ARL5B: variants seen among roughly 807,000 people sequenced by gnomAD.
The protein encoded by ARL5B is ADP-ribosylation factor-like protein 5B.
In ARL5B, 10 loss-of-function variants were observed where a neutral mutation model predicts 26.9. That is an observed-to-expected ratio of 0.37 (90% CI 0.23 to 0.63). The LOEUF (loss-of-function observed/expected upper bound fraction) is 0.63, where lower values mean the gene tolerates loss of function less well. Ranked by LOEUF, ARL5B falls within the 30% of genes least tolerant of loss-of-function variation. The probability of loss-of-function intolerance (pLI) is 0.62; values close to 1 mark genes in which losing one functional copy is unlikely to be tolerated. For missense variants in ARL5B, 167 were observed against 213.9 expected (o/e 0.78, Z 1.37); for synonymous variants, 87 against 70.4 (o/e 1.24, Z -1.18).
rs763416677 is a variant in ARL5B, at chr10:18,674,148, G to A, written c.491+13G>A. 2.6e-5 allele frequency: 42 copies of A among 1,593,148 alleles called. No individual in the cohort carries two copies. Among genetic ancestry groups the A allele is most frequent in the Admixed American group, 2.2e-4 (12 of 55,218 alleles). On this transcript the variant is annotated intron_variant, in intron 5 of 5. Transcript: ENST00000377275. ...TCACAGGAGAAGGGTAAGTTCATCC[G>A]TCTGAGGGGAGGTATGACTTCTTTC... is the stretch of plus-strand genomic sequence containing the variant.
rs2059908188 is a variant in ARL5B, at chr10:18,675,812, G to A, written c.*596G>A. The A allele has an allele frequency of 6.6e-6, 1 of 151,990 alleles. No individual in the cohort carries two copies. Among genetic ancestry groups the A allele is most frequent in the African/African-American group, 2.4e-5 (1 of 41,418 alleles). The allele number at this position is 151,990 out of a possible 1,614,324, so 9.4% of individuals were successfully genotyped here. On this transcript the variant is annotated 3_prime_UTR_variant, in exon 6 of 6. Transcript: ENST00000377275. ...CATTACTGTTGAGTCATGGAATAAT[G>A]TTTAAGTTGTTATTTGCATGGAAAT...
At chr10:18,663,716 T>C (rs1399768230) in intron 1 of ARL5B, among the ~76,000 whole-genome samples, 1 of 145,230 alleles carries the variant, frequency 6.9e-6, no homozygotes, top group Non-Finnish European at 1.5e-5. Context: ...GCCCGGCTGA[T>C]TTTCTGTATT....
intron 2 of ARL5B, 68 bp from the exon 3 acceptor site, chr10:18,668,462 A>T: frequency 6.5e-7 from 1 of 1,541,970 alleles, no homozygotes; most frequent in East Asian, 2.3e-5. Context: ...TCTTAAAAAT[A>T]CAGAGATAAA....
At chr10:18,673,551 A>G (rs540606037) in intron 4 of ARL5B, among the ~76,000 whole-genome samples, 1 of 152,260 alleles carries the variant, frequency 6.6e-6, no homozygotes, top group African/African-American at 2.4e-5. Flanking sequence ...CTATTCTTCT[A>G]ATGTTTTCAT....
chr10:18,659,774 G>A, intron 1 of ARL5B, 91 bp downstream of exon 1: 2 of 1,562,114 alleles, frequency 1.3e-6, no homozygotes, highest in Non-Finnish European at 1.7e-6. Flanking sequence ...CAGAGCGTTC[G>A]GAGACGCGGA....
intron 1 of ARL5B, among the ~76,000 whole-genome samples, chr10:18,666,260 A>G (rs561008812): frequency 6.6e-6 from 1 of 152,282 alleles, no homozygotes; most frequent in African/African-American, 2.4e-5. Flanking sequence ...TTAGGTTATA[A>G]TTTTTGCCTA....
At position 18,675,409 on chromosome 10, in the gene ARL5B, C is replaced by T; in HGVS notation, c.*193C>T. 2 of 555,832 alleles carry T rather than the reference C, an allele frequency of 3.6e-6. No individual in the cohort carries two copies. The highest frequency in any genetic ancestry group is 6.5e-6 in the Non-Finnish European group (2 of 310,022). 34.4% of individuals were successfully genotyped at this position (555,832 alleles called of 1,614,324 possible). On this transcript the variant is annotated 3_prime_UTR_variant, in exon 6 of 6. Coordinates refer to ENST00000377275, the MANE Select transcript of ARL5B (RefSeq NM_178815.5). ...AACTTTTTTTTTTTAACACACTAAT[C>T]TTCAGTTGGATGAATGTAATGTATA... is the stretch of plus-strand genomic sequence containing the variant.
At chr10:18,671,569 C>A (rs1171051938) in intron 3 of ARL5B, among the ~76,000 whole-genome samples, 2 of 152,130 alleles carry the variant, frequency 1.3e-5, no homozygotes, top group Non-Finnish European at 2.9e-5. Flanking sequence ...CATTTCATCT[C>A]ATTTCTTAAC....
At chr10:18,672,830 C>T in intron 4 of ARL5B, 125 bp downstream of exon 4, 1 of 506,244 alleles carries the variant, frequency 2.0e-6, no homozygotes, top group Non-Finnish European at 3.4e-6. Context: ...ACTTTATGTA[C>T]TAAACTGATG....
rs2059919583 is a variant in ARL5B at position 18,678,523 on chromosome 10, A to G, written c.*3307A>G. 6.6e-6 allele frequency: 1 copy of G among 151,918 alleles called. No individual in the cohort carries two copies. The highest frequency in any genetic ancestry group is 2.1e-4 in the South Asian group (1 of 4,830). 9.4% of individuals were successfully genotyped at this position (151,918 alleles called of 1,614,324 possible). On this transcript the variant is annotated 3_prime_UTR_variant, in exon 6 of 6. Transcript: ENST00000377275. ...AAATCTTTTTAGTGTAGTTTCTTAG[A>G]ACAAATTATAAACATAATCATTCTG...
chr10:18,680,599 T>C lies in ARL5B; in HGVS notation c.*5383T>C, dbSNP rs890729257. 29 of 152,262 alleles carry C rather than the reference T, an allele frequency of 1.9e-4. No individual in the cohort carries two copies. Among genetic ancestry groups the C allele is most frequent in the African/African-American group, 7.0e-4 (29 of 41,574 alleles). 9.4% of individuals were successfully genotyped at this position (152,262 alleles called of 1,614,324 possible). A position where few individuals can be genotyped will look rare whatever the true frequency, so the allele number is the denominator to read the frequency against. On this transcript the variant is annotated 3_prime_UTR_variant, in exon 6 of 6. Coordinates refer to ENST00000377275, the MANE Select transcript of ARL5B (RefSeq NM_178815.5). Reference sequence around the variant, plus strand: ...ATTTTCCCTCAGGAAATTTAGGGACTCTGAAGCCCCTATTTTATTCTCTTG... The same window carrying C: ...ATTTTCCCTCAGGAAATTTAGGGACCCTGAAGCCCCTATTTTATTCTCTTG...
At chr10:18,672,901 T>C (rs2059894121) in intron 4 of ARL5B, among the ~76,000 whole-genome samples, 196 bp downstream of exon 4, 1 of 152,160 alleles carries the variant, frequency 6.6e-6, no homozygotes, top group Admixed American at 6.5e-5. Flanking sequence ...CCCTAACACA[T>C]TAATTTGTAG....
rs781576345 is a variant in ARL5B at position 18,675,262 on chromosome 10, C to T, written c.*46C>T. The T allele has an allele frequency of 1.9e-6, 3 of 1,576,072 alleles. No homozygotes were observed. The East Asian group carries it at 6.7e-5, about 35-fold the overall frequency. ...TGCTCTATTTATTCTGTGACATGAACATTTTTTCCTAGTACCTTTGGCTGC... is the reference window on the plus strand; with the variant it reads ...TGCTCTATTTATTCTGTGACATGAATATTTTTTCCTAGTACCTTTGGCTGC... On this transcript the variant is annotated 3_prime_UTR_variant, in exon 6 of 6. Transcript: ENST00000377275.
intron 1 of ARL5B, among the ~76,000 whole-genome samples, chr10:18,665,243 G>T (rs2059856185): frequency 6.6e-6 from 1 of 152,170 alleles, no homozygotes; most frequent in Non-Finnish European, 1.5e-5. Flanking sequence ...AGGAGGTTCA[G>T]GTAGGAGGAT....
chr10:18,673,465 C>T (rs759879462), intron 4 of ARL5B, among the ~76,000 whole-genome samples: 1 of 152,126 alleles, frequency 6.6e-6, no homozygotes, highest in African/African-American at 2.4e-5. Context: ...TTCTGATTAT[C>T]CATCTTAATA....
At chr10:18,662,362 TTAGA>T (rs1160090075) in intron 1 of ARL5B, among the ~76,000 whole-genome samples, 1 of 152,230 alleles carries the variant, frequency 6.6e-6, no homozygotes, top group African/African-American at 2.4e-5. Context: ...GTCTTATAAA[TTAGA>T]TACCTTTCTG....
chr10:18,679,224 G>C lies in ARL5B; in HGVS notation c.*4008G>C, dbSNP rs184594948. 6.6e-6 allele frequency: 1 copy of C among 151,980 alleles called. No homozygotes were observed. Among genetic ancestry groups the C allele is most frequent in the Non-Finnish European group, 1.5e-5 (1 of 67,816 alleles). 9.4% of individuals were successfully genotyped at this position (151,980 alleles called of 1,614,324 possible). ...ATTGCTAAGAAAAGGATAGTAAGCTGCTTAGAAAGAACCAGCCTGTGTTGG... is the reference window on the plus strand; with the variant it reads ...ATTGCTAAGAAAAGGATAGTAAGCTCCTTAGAAAGAACCAGCCTGTGTTGG... On this transcript the variant is annotated 3_prime_UTR_variant, in exon 6 of 6. Coordinates refer to ENST00000377275, the MANE Select transcript of ARL5B (RefSeq NM_178815.5).
At chr10:18,665,178 C>T (rs894987765) in intron 1 of ARL5B, among the ~76,000 whole-genome samples, 1 of 152,094 alleles carries the variant, frequency 6.6e-6, no homozygotes, top group African/African-American at 2.4e-5. Context: ...AGATTAGCTT[C>T]ATTAGAGGAC....
At chr10:18,667,032 C>CAAGTG (rs1289706577) in intron 2 of ARL5B, among the ~76,000 whole-genome samples, 1 of 151,772 alleles carries the variant, frequency 6.6e-6, no homozygotes, top group African/African-American at 2.4e-5. Context: ...CCAGACTTGT[C>CAAGTG]AAAAGAAATG....
Sources: gnomAD v4.1 joint callset for allele counts (sites outside exome capture counted in the v4.1 genomes callset) on GRCh38, gnomAD v4.1.1 for gene constraint, MANE v1.5 for transcripts, NCBI Gene and HGNC (gene_info 2026-07-23, HGNC 2026-07-21) for gene names.